The following SDK1 variants were observed in gnomAD, a reference collection of about 807,000 sequenced individuals.
The protein encoded by SDK1 is protein sidekick-1.
A neutral mutation model predicts 245.5 loss-of-function variants in SDK1; 157 were observed. That is an observed-to-expected ratio of 0.64 (90% CI 0.56 to 0.73). SDK1 has a LOEUF of 0.73. Among genes scored for constraint, SDK1 ranks in the 30% least tolerant of loss-of-function variants. The pLI, the probability that SDK1 is intolerant of heterozygous loss-of-function variation, is 0.00. For synonymous variants in SDK1, 1,647 were observed against 1,278.5 expected (o/e 1.29, Z -6.15); for missense variants, 3,583 against 3,002.3 (o/e 1.19, Z -4.52).
Position 4,265,488 on chromosome 7 carries a change from A to C in SDK1, c.*104A>C. On this transcript the variant is annotated 3_prime_UTR_variant, in exon 45 of 45. Coordinates refer to ENST00000404826, the MANE Select transcript of SDK1 (RefSeq NM_152744.4). ...TAACTGAGCTGAAGTTTTTGTTTAAAAAGAAAAAAATCTGATAAGTGATGA... is the reference window on the plus strand; with the variant it reads ...TAACTGAGCTGAAGTTTTTGTTTAACAAGAAAAAAATCTGATAAGTGATGA... 7.3e-7 allele frequency: 1 copy of C among 1,371,164 alleles called. No homozygotes were observed. Among genetic ancestry groups the C allele is most frequent in the African/African-American group, 1.5e-5 (1 of 65,156 alleles). The allele number at this position is 1,371,164 out of a possible 1,614,324, so 84.9% of individuals were successfully genotyped here. A position where few individuals can be genotyped will look rare whatever the true frequency, so the allele number is the denominator to read the frequency against.
chr7:4,044,447 C>T (rs1788866345), intron 17 of SDK1, among the ~76,000 whole-genome samples: 1 of 134,692 alleles, frequency 7.4e-6, no homozygotes, highest in African/African-American at 3.7e-5. Flanking sequence ...CAGCATTTTG[C>T]TTTGCTTTAT....
At chr7:4,037,800 C>T (rs1036800399) in intron 17 of SDK1, among the ~76,000 whole-genome samples, 11 of 152,116 alleles carry the variant, frequency 7.2e-5, no homozygotes, top group African/African-American at 2.2e-4. Flanking sequence ...ACCTTCTCTG[C>T]GAATACAACA....
In SDK1 at chr7:3,761,565, A is replaced by AAAT. The variant is rs201019169; in HGVS notation, c.714-59874_714-59872dup. On this transcript the variant is annotated intron_variant, in intron 4 of 44. Transcript: ENST00000404826. ...TGAGACTCCATCTCAAAAAAAAAAA[A>AAAT]AATAATAATAATAGGCCTAATCATT... Among the ~76,000 whole-genome samples, 902 of 151,164 alleles carry AAAT rather than the reference A, an allele frequency of 6.0e-3. 14 individuals are homozygous for AAAT. The highest frequency in any genetic ancestry group is 0.036 in the Admixed American group (538 of 15,080).
At position 4,237,864 on chromosome 7, in the gene SDK1, C is replaced by T. The variant is rs113806926; in HGVS notation, c.6130+80C>T. The T allele has an allele frequency of 9.8e-5, 148 of 1,512,106 alleles. 4 individuals carry two copies. Among genetic ancestry groups the T allele is most frequent in the African/African-American group, 8.4e-4 (61 of 72,760 alleles). 93.7% of individuals were successfully genotyped at this position (1,512,106 alleles called of 1,614,324 possible). On this transcript the variant is annotated intron_variant, in intron 42 of 44. Transcript: ENST00000404826. ...AGCGTTCGTTCTCTCGTGGATCTGCCGGGCCCGTGTCTGCTTTTCCATTTC... is the reference window on the plus strand; with the variant it reads ...AGCGTTCGTTCTCTCGTGGATCTGCTGGGCCCGTGTCTGCTTTTCCATTTC...
At chr7:3,700,691 C>A (rs1044711282) in intron 4 of SDK1, among the ~76,000 whole-genome samples, 106 of 152,060 alleles carry the variant, frequency 7.0e-4, no homozygotes, top group African/African-American at 2.5e-3. Context: ...AACTTAAGCC[C>A]CAGAATGCCC....
intron 1 of SDK1, among the ~76,000 whole-genome samples, chr7:3,395,995 C>T (rs886427117): frequency 6.6e-6 from 1 of 151,252 alleles, no homozygotes; most frequent in African/African-American, 2.4e-5. Context: ...TTCTGTTTTC[C>T]CTTGATATGG....
At chr7:3,852,470 G>T (rs113921277) in intron 5 of SDK1, among the ~76,000 whole-genome samples, 7 of 150,610 alleles carry the variant, frequency 4.6e-5, no homozygotes, top group Admixed American at 1.3e-4. Context: ...TTTTTTGGCC[G>T]GGCACGGTGG....
Position 3,437,818 on chromosome 7 carries a change from T to A in SDK1, c.298+135934T>A, listed in dbSNP as rs143265319. Among the ~76,000 whole-genome samples, 756 of 152,318 alleles carry A rather than the reference T, an allele frequency of 5.0e-3. 9 individuals are homozygous for A. Among genetic ancestry groups the A allele is most frequent in the African/African-American group, 0.017 (710 of 41,568 alleles). On this transcript the variant is annotated intron_variant, in intron 1 of 44. Coordinates refer to ENST00000404826, the MANE Select transcript of SDK1 (RefSeq NM_152744.4). ...ATACCAAAAAATTATTCAGATACCT[T>A]AGTGGAAGCTTTGGCTGAATAGAAG... is the stretch of plus-strand genomic sequence containing the variant.
At chr7:3,725,346 CT>C (rs1778977194) in intron 4 of SDK1, among the ~76,000 whole-genome samples, 1 of 152,130 alleles carries the variant, frequency 6.6e-6, no homozygotes, top group Non-Finnish European at 1.5e-5. Context: ...GCATTGCAGC[CT>C]GATAAGGGCT....
chr7:3,818,373 C>T (rs1779560940), intron 4 of SDK1, among the ~76,000 whole-genome samples: 1 of 152,082 alleles, frequency 6.6e-6, no homozygotes. Context: ...TCAGCATGCC[C>T]CTGTGTTCTT....
intron 4 of SDK1, among the ~76,000 whole-genome samples, chr7:3,713,902 G>T (rs1234584176): frequency 6.6e-6 from 1 of 152,128 alleles, no homozygotes; most frequent in Admixed American, 6.5e-5. Context: ...CAGCAAATCA[G>T]GCTTTCCACT....
At chr7:3,802,428 A>C (rs1779129926) in intron 4 of SDK1, among the ~76,000 whole-genome samples, 1 of 152,246 alleles carries the variant, frequency 6.6e-6, no homozygotes, top group Non-Finnish European at 1.5e-5. Flanking sequence ...CCAGCTACTC[A>C]GCAGGCTGAG....
At chr7:4,097,218 C>T (rs983318230) in intron 22 of SDK1, among the ~76,000 whole-genome samples, 5 of 133,144 alleles carry the variant, frequency 3.8e-5, no homozygotes, top group Admixed American at 7.2e-5. Context: ...CGGCCTGGGC[C>T]GACTCTGGGT....
intron 42 of SDK1, 87 bp downstream of exon 42, chr7:4,237,871 G>A (rs1053542326): frequency 3.2e-5 from 47 of 1,477,368 alleles, no homozygotes; most frequent in South Asian, 2.6e-4. Context: ...TGCCGGGCCC[G>A]TGTCTGCTTT....
chr7:3,436,857 C>A (rs556332129), intron 1 of SDK1, among the ~76,000 whole-genome samples: 1 of 152,244 alleles, frequency 6.6e-6, no homozygotes, highest in South Asian at 2.1e-4. Flanking sequence ...CTCGTCTACC[C>A]TCCCCAAGAA....
At chr7:3,559,424 G>C (rs577318933) in intron 1 of SDK1, among the ~76,000 whole-genome samples, 2 of 152,138 alleles carry the variant, frequency 1.3e-5, no homozygotes, top group East Asian at 1.9e-4. Flanking sequence ...TTCTCTGCCA[G>C]TGAACTTTTA....
chr7:4,125,429 G>T (rs1784330535), intron 25 of SDK1, among the ~76,000 whole-genome samples: 1 of 151,346 alleles, frequency 6.6e-6, no homozygotes. Flanking sequence ...ATGGATGGAT[G>T]AGTGAATGGA....
chr7:3,933,080 T>C (rs1400787372), intron 5 of SDK1, among the ~76,000 whole-genome samples: 3 of 148,382 alleles, frequency 2.0e-5, no homozygotes, highest in Admixed American at 6.7e-5. Context: ...GCACAAATCC[T>C]CTCTCCATCC....
At chr7:4,191,832 G>A (rs567386397) in intron 35 of SDK1, among the ~76,000 whole-genome samples, 44 of 152,350 alleles carry the variant, frequency 2.9e-4, no homozygotes, top group African/African-American at 1.0e-3. Context: ...ATCTCCACAG[G>A]TGTGGCCGGG....
Sources: allele counts gnomAD v4.1 joint callset (sites outside exome capture counted in the v4.1 genomes callset), GRCh38; gene constraint gnomAD v4.1.1; transcripts MANE v1.5; gene names NCBI Gene and HGNC (gene_info 2026-07-23, HGNC 2026-07-21).